Variants in STPG2 observed in about 807,000 individuals in gnomAD.
The protein encoded by STPG2 is sperm-tail PG-rich repeat-containing protein 2.
STPG2 carries 56 observed loss-of-function variants against 54.2 expected under a neutral mutation model. That is an observed-to-expected ratio of 1.03 (90% CI 0.83 to 1.29). The LOEUF (loss-of-function observed/expected upper bound fraction) is 1.29, where lower values mean the gene tolerates loss of function less well. Among genes scored for constraint, STPG2 ranks in the 50% most tolerant of loss-of-function variants. STPG2 has a pLI of 0.00. For synonymous variants in STPG2, 200 were observed against 181.8 expected (o/e 1.10, Z -0.81); for missense variants, 596 against 544.9 (o/e 1.09, Z -0.93).
At chr4:97,816,439 C>A (rs550940819) in intron 9 of STPG2, among the ~76,000 whole-genome samples, 1 of 152,220 alleles carries the variant, frequency 6.6e-6, no homozygotes, top group East Asian at 1.9e-4. Flanking sequence ...GGATCTATAT[C>A]CTTAAGGAAT....
rs1201499732 is a variant in STPG2 at position 97,874,412 on chromosome 4, A to C, written c.1045-33480T>G. ...CTTCACATATTTACAGTATACAATTAAGTTTTGACATATGTCACATGCATG... is the reference window on the plus strand; with the variant it reads ...CTTCACATATTTACAGTATACAATTCAGTTTTGACATATGTCACATGCATG... On this transcript the variant is annotated intron_variant, in intron 8 of 10. Coordinates refer to ENST00000295268, the MANE Select transcript of STPG2 (RefSeq NM_174952.3). Among the ~76,000 whole-genome samples, 19 of 151,738 alleles carry C rather than the reference A, an allele frequency of 1.3e-4. 2 individuals carry two copies.
In STPG2 at chr4:97,793,370, T is replaced by TACACACAC. The variant is rs3046530; in HGVS notation, c.1204+47395_1204+47402dup. On this transcript the variant is annotated intron_variant, in intron 9 of 10. Coordinates refer to ENST00000295268, the MANE Select transcript of STPG2 (RefSeq NM_174952.3). ...ATATATAAAATTAGAGTTTTATATA[T>TACACACAC]ACACACACACACACACACACACACA... Among the ~76,000 whole-genome samples the TACACACAC allele has an allele frequency of 7.8e-4, 116 of 147,974 alleles. 1 individual carries two copies. The East Asian group carries it at 0.019, about 24-fold the overall frequency.
At chr4:97,928,602 T>A (rs1732423493) in intron 8 of STPG2, among the ~76,000 whole-genome samples, 1 of 152,142 alleles carries the variant, frequency 6.6e-6, no homozygotes, top group Admixed American at 6.5e-5. Context: ...CTTTAAGTAA[T>A]TAGGTCTTTA....
intron 10 of STPG2, among the ~76,000 whole-genome samples, chr4:97,669,392 T>C (rs1054756096): frequency 1.3e-5 from 2 of 152,220 alleles, no homozygotes; most frequent in Admixed American, 6.5e-5. Context: ...CATGGAGGTT[T>C]AGTTTGGAGA....
intron 4 of STPG2, among the ~76,000 whole-genome samples, chr4:97,531,161 T>A (rs1004957204): frequency 3.3e-5 from 5 of 152,136 alleles, no homozygotes; most frequent in African/African-American, 1.2e-4. Context: ...TGATATATCA[T>A]CTCATCCCAG....
chr4:98,036,290 G>A (rs1736776519), intron 5 of STPG2, among the ~76,000 whole-genome samples: 1 of 151,894 alleles, frequency 6.6e-6, no homozygotes, highest in Non-Finnish European at 1.5e-5. Context: ...ATTCAACCCA[G>A]CAATCCCATT....
At chr4:98,024,648 A>C (rs1310241960) in intron 5 of STPG2, among the ~76,000 whole-genome samples, 1 of 152,232 alleles carries the variant, frequency 6.6e-6, no homozygotes, top group South Asian at 2.1e-4. Flanking sequence ...ATTTTTGTAC[A>C]GATATTTGAC....
chr4:98,048,862 G>A (rs967112648), intron 5 of STPG2: 6 of 157,402 alleles, frequency 3.8e-5, no homozygotes, highest in African/African-American at 1.2e-4. Flanking sequence ...GTCATATAAA[G>A]ACTACAGAGG....
chr4:97,964,162 T>C (rs915064920), intron 7 of STPG2, among the ~76,000 whole-genome samples: 2 of 152,144 alleles, frequency 1.3e-5, no homozygotes, highest in African/African-American at 2.4e-5. Context: ...ACTTTATTCC[T>C]CATGGCATAA....
intron 9 of STPG2, among the ~76,000 whole-genome samples, chr4:97,752,383 C>T (rs1725604064): frequency 6.6e-6 from 1 of 151,742 alleles, no homozygotes; most frequent in Non-Finnish European, 1.5e-5. Context: ...AGTGACTTCT[C>T]CAAAGTCACA....
intron 9 of STPG2, among the ~76,000 whole-genome samples, chr4:97,819,539 C>A (rs1728018125): frequency 6.6e-6 from 1 of 152,084 alleles, no homozygotes; most frequent in African/African-American, 2.4e-5. Flanking sequence ...TAAAGTAAGT[C>A]TCAGTACCTG....
chr4:98,079,365 A>T (rs974691863), intron 5 of STPG2, among the ~76,000 whole-genome samples: 4 of 152,224 alleles, frequency 2.6e-5, no homozygotes, highest in African/African-American at 7.2e-5. Flanking sequence ...ACTGACAATG[A>T]TAAAACTTCT....
chr4:97,898,799 G>C (rs906293704), intron 8 of STPG2, among the ~76,000 whole-genome samples: 1 of 151,580 alleles, frequency 6.6e-6, no homozygotes, highest in African/African-American at 2.4e-5. Context: ...GGGGAAGAGA[G>C]AAAAATGATG....
intron 8 of STPG2, among the ~76,000 whole-genome samples, chr4:97,873,412 C>T (rs1318238341): frequency 6.6e-6 from 1 of 151,344 alleles, no homozygotes; most frequent in African/African-American, 2.4e-5. Context: ...GTTTATAGTT[C>T]TTTTTTATTT....
At chr4:98,108,709 T>C (rs1034895874) in intron 4 of STPG2, among the ~76,000 whole-genome samples, 1 of 152,194 alleles carries the variant, frequency 6.6e-6, no homozygotes, top group Non-Finnish European at 1.5e-5. Flanking sequence ...TGCCATTTAA[T>C]AGCTGCATGA....
chr4:97,699,377 G>C (rs1472160556), intron 10 of STPG2, among the ~76,000 whole-genome samples: 1 of 152,154 alleles, frequency 6.6e-6, no homozygotes, highest in African/African-American at 2.4e-5. Context: ...CCTCTGTCGA[G>C]GTCACCCATT....
intron 6 of STPG2, among the ~76,000 whole-genome samples, chr4:97,978,654 TTAAAA>T (rs1378369964): frequency 6.6e-6 from 1 of 152,036 alleles, no homozygotes; most frequent in Non-Finnish European, 1.5e-5. Context: ...GCCCCTGAAC[TTAAAA>T]TAAAAGTTAA....
At chr4:97,863,492 G>C (rs528464370) in intron 8 of STPG2, among the ~76,000 whole-genome samples, 1 of 152,282 alleles carries the variant, frequency 6.6e-6, no homozygotes, top group East Asian at 1.9e-4. Flanking sequence ...GGACCAGATG[G>C]ATTCATAGCC....
At chr4:98,139,465 A>G (rs904602777) in intron 1 of STPG2, among the ~76,000 whole-genome samples, 3 of 152,066 alleles carry the variant, frequency 2.0e-5, no homozygotes, top group African/African-American at 7.2e-5. Context: ...CTCACATCAT[A>G]CTCCATAAAA....
Sources: gnomAD v4.1 joint callset for allele counts (sites outside exome capture counted in the v4.1 genomes callset) on GRCh38, gnomAD v4.1.1 for gene constraint, MANE v1.5 for transcripts, NCBI Gene and HGNC (gene_info 2026-07-23, HGNC 2026-07-21) for gene names.